HOOK3: variants seen among roughly 807,000 people sequenced by gnomAD.
HOOK3 encodes hook microtubule tethering protein 3, also known as protein Hook homolog 3.
Under a neutral mutation model 116.3 loss-of-function variants are expected in HOOK3, and 24 were observed. That is an observed-to-expected ratio of 0.21 (90% CI 0.15 to 0.29). HOOK3 has a LOEUF of 0.29. Among genes scored for constraint, HOOK3 ranks in the 10% least tolerant of loss-of-function variants. HOOK3 has a pLI of 1.00. For synonymous variants in HOOK3, 275 were observed against 283.0 expected (o/e 0.97, Z 0.28); for missense variants, 632 against 830.2 (o/e 0.76, Z 2.93).
intron 2 of HOOK3, among the ~76,000 whole-genome samples, chr8:42,924,383 T>C (rs1807722846): frequency 7.1e-6 from 1 of 140,928 alleles, no homozygotes; most frequent in Non-Finnish European, 1.6e-5. Context: ...AATTTTCCCA[T>C]AGAAAATTTT....
chr8:42,971,372 T>C (rs1205647700), intron 11 of HOOK3, among the ~76,000 whole-genome samples: 1 of 152,048 alleles, frequency 6.6e-6, no homozygotes, highest in Non-Finnish European at 1.5e-5. Context: ...GTTCAAGCGA[T>C]TCTCCTGCCT....
Position 43,013,174 on chromosome 8 carries a change from C to A in HOOK3, c.1944+19C>A. On this transcript the variant is annotated intron_variant, in intron 20 of 21. Coordinates refer to ENST00000307602, the MANE Select transcript of HOOK3 (RefSeq NM_032410.4). ...ATTAGAGGTAGTTTACTATACTGTA[C>A]AATAAAATAATTGTGTTTTGATTTT... 1 of 1,521,380 alleles carries A rather than the reference C, an allele frequency of 6.6e-7. No homozygotes were observed. Among genetic ancestry groups the A allele is most frequent in the Middle Eastern group, 1.7e-4 (1 of 5,802 alleles). 94.2% of individuals were successfully genotyped at this position (1,521,380 alleles called of 1,614,324 possible).
intron 6 of HOOK3, 141 bp downstream of exon 6, chr8:42,950,596 G>T: frequency 6.6e-5 from 32 of 488,296 alleles, no homozygotes; most frequent in South Asian, 2.1e-4. Context: ...AGCTTTTCTT[G>T]TTTTTATTCT....
At chr8:43,001,515 T>C (rs1809380449) in intron 16 of HOOK3, among the ~76,000 whole-genome samples, 1 of 151,932 alleles carries the variant, frequency 6.6e-6, no homozygotes, top group Non-Finnish European at 1.5e-5. Flanking sequence ...TGTTTATTTT[T>C]AGGTCAATTT....
At chr8:42,906,071 G>C (rs1807300387) in intron 1 of HOOK3, 102 bp from the exon 2 acceptor site, 2 of 822,044 alleles carry the variant, frequency 2.4e-6, no homozygotes, top group Non-Finnish European at 4.1e-6. Flanking sequence ...TGGGTGACAG[G>C]GCTAGACTCC....
intron 17 of HOOK3, 122 bp downstream of exon 17, chr8:43,002,263 T>C: frequency 1.5e-6 from 1 of 673,162 alleles, no homozygotes; most frequent in Non-Finnish European, 2.6e-6. Flanking sequence ...AAAATTATAA[T>C]ACATATTATG....
At chr8:42,996,406 A>T (rs1386867878) in intron 15 of HOOK3, among the ~76,000 whole-genome samples, 1 of 151,798 alleles carries the variant, frequency 6.6e-6, no homozygotes, top group African/African-American at 2.4e-5. Flanking sequence ...AAAAAAAAGA[A>T]AAAGAAAAAG....
At position 42,903,717 on chromosome 8, in the gene HOOK3, G is replaced by A. The variant is rs551672937; in HGVS notation, c.58-2456G>A. On this transcript the variant is annotated intron_variant, in intron 1 of 21. Transcript: ENST00000307602. ...AAACGCCTGTAATCCCAGCACTTTG[G>A]GAGGCTAAGGCGGGCGGATGACGAG... is the stretch of plus-strand genomic sequence containing the variant. Among the ~76,000 whole-genome samples, 42 of 117,592 alleles carry A rather than the reference G, an allele frequency of 3.6e-4. No individual in the cohort carries two copies. In the South Asian group the frequency reaches 0.013, roughly 37 times the overall value. The allele number at this position is 117,592 out of a possible 152,430, so 77.1% of individuals were successfully genotyped here. A position where few individuals can be genotyped will look rare whatever the true frequency, so the allele number is the denominator to read the frequency against.
At position 42,997,170 on chromosome 8, in the gene HOOK3, A is replaced by G. The variant is rs548899192; in HGVS notation, c.1533-380A>G. Among the ~76,000 whole-genome samples, 465 of 152,304 alleles carry G rather than the reference A, an allele frequency of 3.1e-3. 2 individuals are homozygous for G. The highest frequency in any genetic ancestry group is 4.5e-3 in the Non-Finnish European group (307 of 68,016). On this transcript the variant is annotated intron_variant, in intron 15 of 21. Transcript: ENST00000307602. ...CAGTCCATCCACCTTGGCCTCCCAA[A>G]GTGCTGGCATGGGCCACCACCCACT...
In HOOK3 at chr8:42,914,265, C is replaced by T. The variant is rs547999584; in HGVS notation, c.143+8007C>T. Among the ~76,000 whole-genome samples, 20 of 152,278 alleles carry T rather than the reference C, an allele frequency of 1.3e-4. No individual in the cohort carries two copies. In the East Asian group the frequency reaches 3.5e-3, roughly 26 times the overall value. On this transcript the variant is annotated intron_variant, in intron 2 of 21. Transcript: ENST00000307602. Reference sequence around the variant, plus strand: ...ATTTGGGTGGATATAGTACTCTTGTCTAAACTCTTAGTGATTTAAGTATGC... The same window carrying T: ...ATTTGGGTGGATATAGTACTCTTGTTTAAACTCTTAGTGATTTAAGTATGC...
intron 19 of HOOK3, 23 bp downstream of exon 19, chr8:43,010,428 T>C: frequency 1.1e-6 from 1 of 939,172 alleles, no homozygotes. Flanking sequence ...TTTGTAGGCA[T>C]CTCACTCTAC....
intron 2 of HOOK3, among the ~76,000 whole-genome samples, chr8:42,909,481 C>A (rs188807822): frequency 2.0e-5 from 3 of 152,146 alleles, no homozygotes; most frequent in Non-Finnish European, 4.4e-5. Context: ...ATTGATTGAT[C>A]GAGACAGGGT....
intron 6 of HOOK3, among the ~76,000 whole-genome samples, chr8:42,955,739 T>C (rs183280117): frequency 2.0e-5 from 3 of 152,278 alleles, no homozygotes; most frequent in East Asian, 3.9e-4. Context: ...GTCTTCCTGA[T>C]GTTGAGGAAC....
At chr8:42,942,493 A>T (rs1204363194) in intron 4 of HOOK3, among the ~76,000 whole-genome samples, 1 of 152,174 alleles carries the variant, frequency 6.6e-6, no homozygotes, top group African/African-American at 2.4e-5. Context: ...TCCAGGGAAA[A>T]CCATGATTCC....
Position 43,010,324 on chromosome 8 carries a change from A to G in HOOK3, c.1758A>G (p.Leu586=), listed in dbSNP as rs778835568. Residue 586 remains leucine (L), a synonymous_variant, in exon 19 of 22, where the codon TTA becomes TTG. Transcript: ENST00000307602. The part of the protein sequence containing the change: ...FNNSSLKIEE[L]QEALRKKEEE... Reference sequence around the variant, plus strand: ...CTGCAGCCTTAAAAATTGAAGAATTACAAGAAGCTTTACGAAAGAAAGAGG... The same window carrying G: ...CTGCAGCCTTAAAAATTGAAGAATTGCAAGAAGCTTTACGAAAGAAAGAGG... 9 of 1,442,108 alleles carry G rather than the reference A, an allele frequency of 6.2e-6. No individual in the cohort carries two copies. The Admixed American group carries it at 2.2e-4, about 35-fold the overall frequency. The allele number at this position is 1,442,108 out of a possible 1,614,324, so 89.3% of individuals were successfully genotyped here.
intron 6 of HOOK3, among the ~76,000 whole-genome samples, chr8:42,954,800 G>C (rs1057483279): frequency 4.6e-5 from 7 of 152,178 alleles, no homozygotes; most frequent in African/African-American, 1.7e-4. Flanking sequence ...GCACAGTTGG[G>C]GATTAGCCTT....
At chr8:43,004,042 A>G (rs1397754572) in intron 17 of HOOK3, among the ~76,000 whole-genome samples, 9 of 152,172 alleles carry the variant, frequency 5.9e-5, no homozygotes, top group Non-Finnish European at 5.9e-5. Context: ...AGCCACAGAT[A>G]TCTCCAAATA....
At chr8:43,003,452 C>A (rs955921217) in intron 17 of HOOK3, among the ~76,000 whole-genome samples, 4 of 152,106 alleles carry the variant, frequency 2.6e-5, no homozygotes, top group African/African-American at 7.2e-5. Context: ...AAAAAAAATT[C>A]TCATTCCTTT....
chr8:42,918,399 A>C (rs1801955708), intron 2 of HOOK3, among the ~76,000 whole-genome samples: 1 of 151,974 alleles, frequency 6.6e-6, no homozygotes, highest in African/African-American at 2.4e-5. Flanking sequence ...GTAGCAATAA[A>C]ATTTAGGTGT....
Sources: gnomAD v4.1 joint callset for allele counts (sites outside exome capture counted in the v4.1 genomes callset) on GRCh38, gnomAD v4.1.1 for gene constraint, MANE v1.5 for transcripts, NCBI Gene and HGNC (gene_info 2026-07-23, HGNC 2026-07-21) for gene names.